Variants in PELI3 observed in about 807,000 individuals in gnomAD.
PELI3 encodes the protein pellino E3 ubiquitin protein ligase family member 3.
PELI3 carries 19 observed loss-of-function variants against 35.5 expected under a neutral mutation model. The ratio of observed to expected loss-of-function variants is 0.54; its 90% CI spans 0.37 to 0.79. PELI3 has a LOEUF of 0.79. PELI3 is among the 30% of genes least tolerant of loss of function. The probability of loss-of-function intolerance (pLI) is 0.00; values close to 1 mark genes in which losing one functional copy is unlikely to be tolerated. For synonymous variants in PELI3, 262 were observed against 279.2 expected, an observed-to-expected ratio of 0.94 and a Z score of 0.62; for missense variants, 490 against 661.2, an observed-to-expected ratio of 0.74 and a Z score of 2.84.
chr11:66,472,595 T>A, intron 5 of PELI3, 125 bp downstream of exon 5: 3 of 728,360 alleles, frequency 4.1e-6, no homozygotes, highest in Non-Finnish European at 7.0e-6. Flanking sequence ...GGAAGCAGGA[T>A]GTCCCGGTGT....
upstream of PELI3, chr11:66,466,673 C>T (rs1367693139): frequency 6.6e-6 from 1 of 152,300 alleles, no homozygotes; most frequent in African/African-American, 2.4e-5. Flanking sequence ...GCAAGGGAGT[C>T]CCTCAGACGG....
chr11:66,475,452 G>A, intron 7 of PELI3, 146 bp from the exon 8 acceptor site: 1 of 736,220 alleles, frequency 1.4e-6, no homozygotes, highest in South Asian at 1.9e-5. Context: ...GCACCTGCCT[G>A]CCCACTTGGC....
At chr11:66,471,460 C>G in intron 4 of PELI3, 89 bp downstream of exon 4, 1 of 1,513,096 alleles carries the variant, frequency 6.6e-7, no homozygotes, top group Non-Finnish European at 9.0e-7. Flanking sequence ...GCCCACAGCC[C>G]CCACACCTTA....
intron 3 of PELI3, among the ~76,000 whole-genome samples, chr11:66,469,131 C>T (rs1854631756): frequency 6.6e-6 from 1 of 152,122 alleles, no homozygotes; most frequent in South Asian, 2.1e-4. Context: ...GACCCTCTTC[C>T]TCCTCCCCCA....
intron 3 of PELI3, 109 bp from the exon 4 acceptor site, chr11:66,471,133 G>C (rs1854699863): frequency 7.4e-7 from 1 of 1,360,444 alleles, no homozygotes; most frequent in Non-Finnish European, 1.0e-6. Context: ...TATTAAGGTA[G>C]GATCTGCCTA....
chr11:66,473,158 C>A lies in PELI3; in HGVS notation c.457-83C>A. The A allele has an allele frequency of 7.4e-7, 1 of 1,359,608 alleles. No homozygotes were observed. The highest frequency in any genetic ancestry group is 1.0e-6 in the Non-Finnish European group (1 of 1,000,170). The allele number at this position is 1,359,608 out of a possible 1,614,324, so 84.2% of individuals were successfully genotyped here. On this transcript the variant is annotated intron_variant, in intron 5 of 7. Coordinates refer to ENST00000320740, the MANE Select transcript of PELI3 (RefSeq NM_145065.3). This position sits in a 1 kb window ranked among gnomAD's most constrained non-coding sequence, Gnocchi z 5.8. ...TTTTTTGGTGACCTTGCATACAGAGCAGCTGCTGGTACTCTGGGAGGGAAG... is the reference window on the plus strand; with the variant it reads ...TTTTTTGGTGACCTTGCATACAGAGAAGCTGCTGGTACTCTGGGAGGGAAG...
chr11:66,468,740 A>G (rs1854618712), intron 2 of PELI3, 93 bp from the exon 3 acceptor site: 1 of 674,544 alleles, frequency 1.5e-6, no homozygotes, highest in African/African-American at 1.8e-5. Context: ...TGTAAAGTAC[A>G]TAGAACAGCG....
chr11:66,467,827 G>T lies in PELI3; in HGVS notation c.-1-301G>T, dbSNP rs913175821. On this transcript the variant is annotated intron_variant, in intron 1 of 7. Transcript: ENST00000320740. The surrounding 1 kb of genome is among the most constrained non-coding windows in gnomAD (Gnocchi z 4.2). Reference sequence around the variant, plus strand: ...CGGCCCCCAACTCATTGGGTGCCCCGCTTTGAAGCACATCCCAGACTGGGA... The same window carrying T: ...CGGCCCCCAACTCATTGGGTGCCCCTCTTTGAAGCACATCCCAGACTGGGA... 6.6e-6 allele frequency among the ~76,000 whole-genome samples: 1 copy of T among 152,186 alleles called. No individual in the cohort carries two copies. The highest frequency in any genetic ancestry group is 1.5e-5 in the Non-Finnish European group (1 of 68,022).
rs1274744112 is a variant in PELI3, at chr11:66,476,959, C to T, written c.*792C>T. ...TCAGCCTCAACGGCTGCTCGGAACC[C>T]TCCGAGTCCACAAGATGGGAAGCAA... On this transcript the variant is annotated 3_prime_UTR_variant, in exon 8 of 8. Coordinates refer to ENST00000320740, the MANE Select transcript of PELI3 (RefSeq NM_145065.3). The T allele has an allele frequency of 1.3e-5, 2 of 152,230 alleles. No individual in the cohort carries two copies. Among genetic ancestry groups the T allele is most frequent in the Admixed American group, 6.5e-5 (1 of 15,268 alleles). 9.4% of individuals were successfully genotyped at this position (152,230 alleles called of 1,614,324 possible).
Position 66,473,203 on chromosome 11 carries a change from G to A in PELI3, c.457-38G>A, listed in dbSNP as rs745971014. On this transcript the variant is annotated intron_variant, in intron 5 of 7. Transcript: ENST00000320740. The surrounding 1 kb of genome is among the most constrained non-coding windows in gnomAD (Gnocchi z 5.8). Reference sequence around the variant, plus strand: ...GGGAAGGCCCATGAGAGTCCCCTATGTACATACAGTCCCTGCTTGCTCTCC... The same window carrying A: ...GGGAAGGCCCATGAGAGTCCCCTATATACATACAGTCCCTGCTTGCTCTCC... 1 of 1,562,980 alleles carries A rather than the reference G, an allele frequency of 6.4e-7. No individual in the cohort carries two copies. Among genetic ancestry groups the A allele is most frequent in the Non-Finnish European group, 8.7e-7 (1 of 1,149,170 alleles).
Position 66,470,438 on chromosome 11 carries a change from C to T in PELI3, c.225-804C>T, listed in dbSNP as rs140534006. On this transcript the variant is annotated intron_variant, in intron 3 of 7. Coordinates refer to ENST00000320740, the MANE Select transcript of PELI3 (RefSeq NM_145065.3). ...ACTAGCCAGAGGCAAGTCACATTAC[C>T]TCCCTGAGCCTTGATTTCTCTCATT... 4.0e-3 allele frequency among the ~76,000 whole-genome samples: 602 copies of T among 152,348 alleles called. 4 individuals are homozygous for T. The highest frequency in any genetic ancestry group is 0.014 in the African/African-American group (574 of 41,580).
intron 7 of PELI3, chr11:66,474,318 A>G: frequency 1.8e-6 from 1 of 561,314 alleles, no homozygotes; most frequent in Non-Finnish European, 3.1e-6. Context: ...TAGCATGTCT[A>G]TCACGTTCAG....
At position 66,471,388 on chromosome 11, in the gene PELI3, T is replaced by C. The variant is rs773245539; in HGVS notation, c.354+17T>C. 6.2e-7 allele frequency: 1 copy of C among 1,613,038 alleles called. No individual in the cohort carries two copies. The highest frequency in any genetic ancestry group is 8.5e-7 in the Non-Finnish European group (1 of 1,179,378). ...GTCTCCAAGGCAAGCAACTGACCCA[T>C]AGACCTGAGGTCCTGCCCTCCCTGC... On this transcript the variant is annotated intron_variant, in intron 4 of 7. Transcript: ENST00000320740.
chr11:66,473,661 C>G lies in PELI3; in HGVS notation c.652-76C>G, dbSNP rs11227492. ...GGGCCGCCTCTGAACTTGAAGGTAG[C>G]GGGGGCAGTGCCTCTGGCACATGGC... On this transcript the variant is annotated intron_variant, in intron 6 of 7. Transcript: ENST00000320740. The surrounding 1 kb of genome is among the most constrained non-coding windows in gnomAD (Gnocchi z 5.8). 3.8e-6 allele frequency: 6 copies of G among 1,565,622 alleles called. No individual in the cohort carries two copies. In the Admixed American group the frequency reaches 5.8e-5, roughly 15 times the overall value.
Position 66,475,595 on chromosome 11 carries a change from C to T in PELI3, c.841-3C>T. On this transcript the variant is annotated splice_polypyrimidine_tract_variant and splice_region_variant and intron_variant, in intron 7 of 7. Coordinates refer to ENST00000320740, the MANE Select transcript of PELI3 (RefSeq NM_145065.3). Reference sequence around the variant, plus strand: ...AGTAAGGCCCTTCTACTGCCTCTGGCAGGTGGAAAACGAGTCCAACGTGCT... The same window carrying T: ...AGTAAGGCCCTTCTACTGCCTCTGGTAGGTGGAAAACGAGTCCAACGTGCT... 3 of 1,611,780 alleles carry T rather than the reference C, an allele frequency of 1.9e-6. No individual in the cohort carries two copies. Among genetic ancestry groups the T allele is most frequent in the Non-Finnish European group, 2.5e-6 (3 of 1,179,614 alleles).
rs1210562941 is a variant in PELI3 at position 66,473,707 on chromosome 11, G to T, written c.652-30G>T. On this transcript the variant is annotated intron_variant, in intron 6 of 7. Transcript: ENST00000320740. This position sits in a 1 kb window ranked among gnomAD's most constrained non-coding sequence, Gnocchi z 5.8. ...ATGGCCTGCTGGGGGGCCCCTGGGG[G>T]ATGTGATCTGATCCCTCATGTGGTC... is the stretch of plus-strand genomic sequence containing the variant. 1.2e-6 allele frequency: 2 copies of T among 1,610,108 alleles called. No individual in the cohort carries two copies. Among genetic ancestry groups the T allele is most frequent in the Non-Finnish European group, 8.5e-7 (1 of 1,179,024 alleles).
At position 66,476,313 on chromosome 11, in the gene PELI3, CA is replaced by C; in HGVS notation, c.*148del. 4.4e-6 allele frequency: 4 copies of C among 909,960 alleles called. No individual in the cohort carries two copies. The highest frequency in any genetic ancestry group is 6.4e-6 in the Non-Finnish European group (4 of 620,180). 56.4% of individuals were successfully genotyped at this position (909,960 alleles called of 1,614,324 possible). On this transcript the variant is annotated 3_prime_UTR_variant, in exon 8 of 8. Coordinates refer to ENST00000320740, the MANE Select transcript of PELI3 (RefSeq NM_145065.3). The stretch of plus-strand genomic sequence containing the variant: ...GTTGGATGGGCTGTGCCCTTCCCCC[CA>C]ACTGTGGCCCCCCAAGGAGGTCCCC...
chr11:66,471,853 C>T (rs1314280368), intron 4 of PELI3, among the ~76,000 whole-genome samples: 1 of 151,964 alleles, frequency 6.6e-6, no homozygotes. Context: ...TAAAATGGAA[C>T]AATAACCCCA....
At chr11:66,475,478 G>C (rs886646781) in intron 7 of PELI3, 120 bp from the exon 8 acceptor site, 14 of 1,073,558 alleles carry the variant, frequency 1.3e-5, no homozygotes, top group Non-Finnish European at 1.9e-5. Flanking sequence ...AGCCTGCCTT[G>C]CTCCTCTGCC....
Sources: gnomAD v4.1 joint callset for allele counts (sites outside exome capture counted in the v4.1 genomes callset) on GRCh38, gnomAD v4.1.1 for gene constraint, Gnocchi (gnomAD v3.1) non-coding constraint, MANE v1.5 for transcripts, NCBI Gene and HGNC (gene_info 2026-07-23, HGNC 2026-07-21) for gene names.